The following MGA variants were observed in gnomAD, a reference collection of about 807,000 sequenced individuals.
MGA encodes MAX dimerization protein MGA, also known as MAX gene-associated protein.
In MGA, 40 loss-of-function variants were observed where a neutral mutation model predicts 261.1. The ratio of observed to expected loss-of-function variants is 0.15; its 90% confidence interval spans 0.12 to 0.20. The LOEUF is 0.20. Ranked by LOEUF, MGA falls within the 10% of genes least tolerant of loss-of-function variation. The pLI is 1.00. For synonymous variants in MGA, 1,302 were observed against 1,290.6 expected, an observed-to-expected ratio of 1.01 and a Z score of -0.19; for missense variants, 3,397 against 3,630.5, an observed-to-expected ratio of 0.94 and a Z score of 1.65.
At chr15:41,714,274 A>G (rs1247271580) in intron 9 of MGA, among the ~76,000 whole-genome samples, 1 of 152,104 alleles carries the variant, frequency 6.6e-6, no homozygotes, top group Non-Finnish European at 1.5e-5. Flanking sequence ...CCACATCAAC[A>G]ATTGTAGATC....
intron 2 of MGA, among the ~76,000 whole-genome samples, chr15:41,691,871 G>T (rs543886348): frequency 6.6e-6 from 1 of 151,422 alleles, no homozygotes; most frequent in South Asian, 2.1e-4. Flanking sequence ...TTCATTTTCA[G>T]CAGCCTGACC....
intron 2 of MGA, chr15:41,691,778 G>C (rs1033276722): frequency 8.7e-6 from 2 of 229,066 alleles, no homozygotes; most frequent in Non-Finnish European, 2.0e-5. Context: ...TGAGTCACTA[G>C]TCAGTCTGTT....
chr15:41,666,418 A>G, intron 1 of MGA, among the ~76,000 whole-genome samples: 1 of 152,020 alleles, frequency 6.6e-6, no homozygotes. Context: ...AATACTGTCT[A>G]TTTCTTTGAT....
intron 2 of MGA, among the ~76,000 whole-genome samples, chr15:41,689,934 A>C (rs900694754): frequency 2.6e-5 from 4 of 152,208 alleles, no homozygotes; most frequent in Non-Finnish European, 5.9e-5. Context: ...CATACAATAA[A>C]ATCTACATAA....
rs373963185 is a variant in MGA, at chr15:41,734,505, G to A, written c.3844-17G>A. 12 of 1,591,720 alleles carry A rather than the reference G, an allele frequency of 7.5e-6. No individual in the cohort carries two copies. Among genetic ancestry groups the A allele is most frequent in the East Asian group, 2.2e-5 (1 of 44,588 alleles). ...ATATGTTAAGTTAAAGTATTTCTGT[G>A]TTACTGTCTCCTTCAGGAACCTGAT... On this transcript the variant is annotated splice_polypyrimidine_tract_variant and intron_variant, in intron 11 of 23. Transcript: ENST00000219905.
At chr15:41,695,187 CTTT>C (rs533478922) in intron 2 of MGA, among the ~76,000 whole-genome samples, 1 of 142,990 alleles carries the variant, frequency 7.0e-6, no homozygotes, top group Non-Finnish European at 1.5e-5. Context: ...TATGTGGAAT[CTTT>C]TTTTTTTTTT....
chr15:41,696,872 A>T lies in MGA; in HGVS notation c.1862A>T (p.Lys621Ile). ...AAAAGAGGAAGGCCACGAAAATTGA[A>T]ACTCTGTAAGGCAGGACGACCACCT... is the stretch of plus-strand genomic sequence containing the variant. The change falls in exon 3 of 24, where the codon AAA becomes ATA. Residue 621 changes from lysine to isoleucine, a missense_variant. Lys to Ile is a moderately radical substitution (Grantham distance 102, BLOSUM62 -3). Coordinates refer to ENST00000219905, the MANE Select transcript of MGA (RefSeq NM_001164273.2). The T allele has an allele frequency of 1.3e-6, 2 of 1,598,050 alleles. No individual in the cohort carries two copies. Among genetic ancestry groups the T allele is most frequent in the Non-Finnish European group, 1.7e-6 (2 of 1,172,004 alleles).
chr15:41,721,581 A>G (rs2060939909), intron 9 of MGA, among the ~76,000 whole-genome samples: 1 of 152,246 alleles, frequency 6.6e-6, no homozygotes, highest in Non-Finnish European at 1.5e-5. Flanking sequence ...CAAGAGTTTT[A>G]GAAGCATTTC....
intron 1 of MGA, among the ~76,000 whole-genome samples, chr15:41,645,244 C>T (rs2056913402): frequency 6.6e-6 from 1 of 152,190 alleles, no homozygotes. Context: ...CATATCAATT[C>T]ACAAGCATGT....
intron 2 of MGA, among the ~76,000 whole-genome samples, chr15:41,688,168 C>T (rs891935694): frequency 2.0e-4 from 30 of 152,062 alleles, no homozygotes; most frequent in African/African-American, 5.1e-4. Context: ...ATCTGCCTCC[C>T]GGGTTCAAGC....
chr15:41,718,304 T>TATATATATATATATATAC (rs1555424396), intron 9 of MGA: 6 of 149,230 alleles, frequency 4.0e-5, no homozygotes, highest in African/African-American at 2.4e-4. Flanking sequence ...TGTGTGTGTA[T>TATATATATATATATATAC]ATATATATAT....
chr15:41,632,769 C>T (rs189532862), intron 1 of MGA, among the ~76,000 whole-genome samples: 63 of 109,334 alleles, frequency 5.8e-4, no homozygotes, highest in Admixed American at 9.9e-4. Context: ...GGTCTCCTTC[C>T]TGTAGGAGAT....
In MGA at chr15:41,768,606, A is replaced by G. The variant is rs1488103940; in HGVS notation, c.*1326A>G. On this transcript the variant is annotated 3_prime_UTR_variant, in exon 24 of 24. Coordinates refer to ENST00000219905, the MANE Select transcript of MGA (RefSeq NM_001164273.2). The stretch of plus-strand genomic sequence containing the variant: ...TAGCTGCTGCATTTTGCCTTTCTTA[A>G]ATAATTATATTTTGGAATGTAACCC... 6.6e-6 allele frequency: 1 copy of G among 152,532 alleles called. No individual in the cohort carries two copies. The highest frequency in any genetic ancestry group is 1.5e-5 in the Non-Finnish European group (1 of 68,022). 9.4% of individuals were successfully genotyped at this position (152,532 alleles called of 1,614,324 possible).
Position 41,707,802 on chromosome 15 carries a change from G to T in MGA, c.2263G>T (p.Ala755Ser). ...ATACTTGGGAGTACAGTTACCTTTG[G>T]CTCCAGCTACTAGCTTTCCTTTTTG... Residue 755 changes from alanine to serine, a missense_variant, in exon 6 of 24, where the codon GCT becomes TCT. Coordinates refer to ENST00000219905, the MANE Select transcript of MGA (RefSeq NM_001164273.2). 1.9e-6 allele frequency: 3 copies of T among 1,613,792 alleles called. No individual in the cohort carries two copies. Among genetic ancestry groups the T allele is most frequent in the Non-Finnish European group, 2.5e-6 (3 of 1,179,792 alleles).
Position 41,734,531 on chromosome 15 carries a change from T to A in MGA, c.3853T>A (p.Ser1285Thr). 1 of 1,608,434 alleles carries A rather than the reference T, an allele frequency of 6.2e-7. No individual in the cohort carries two copies. The highest frequency in any genetic ancestry group is 8.5e-7 in the Non-Finnish European group (1 of 1,176,848). ...TTACTGTCTCCTTCAGGAACCTGAT[T>A]CTGAACAGCAGCCCTTAAAACAACT... The change falls in exon 12 of 24, where the codon TCT (serine) becomes ACT (threonine). Residue 1285 changes from serine to threonine, a missense_variant. By Grantham distance (58) the Ser-to-Thr change is moderately conservative. This residue lies in a region of MGA where 1,410 missense variants were observed against 1,386.4 expected (regional missense o/e 1.02). Transcript: ENST00000219905.
intron 2 of MGA, among the ~76,000 whole-genome samples, chr15:41,670,296 A>G (rs544641000): frequency 6.6e-6 from 1 of 152,344 alleles, no homozygotes; most frequent in Admixed American, 6.5e-5. Flanking sequence ...TCAATAAAAA[A>G]AAGAAAATCA....
intron 2 of MGA, among the ~76,000 whole-genome samples, chr15:41,682,225 C>T (rs1052859657): frequency 5.9e-5 from 9 of 151,924 alleles, no homozygotes; most frequent in Admixed American, 3.9e-4. Flanking sequence ...CTTCTACCTA[C>T]ATTATTTAAT....
At chr15:41,759,081 C>T (rs2063306434) in intron 19 of MGA, among the ~76,000 whole-genome samples, 1 of 151,922 alleles carries the variant, frequency 6.6e-6, no homozygotes, top group Admixed American at 6.6e-5. Flanking sequence ...GTGCTGATAC[C>T]CTCATTTTAC....
chr15:41,628,367 CAA>C (rs936932982), intron 1 of MGA, among the ~76,000 whole-genome samples: 6 of 47,112 alleles, frequency 1.3e-4, no homozygotes, highest in African/African-American at 2.2e-4. Context: ...ACTCTGTATC[CAA>C]AAAAAAAAAA....
Sources: gnomAD v4.1 joint callset for allele counts (sites outside exome capture counted in the v4.1 genomes callset) on GRCh38, gnomAD v4.1.1 for gene constraint, gnomAD v4.1.1 regional missense constraint, MANE v1.5 for transcripts, NCBI Gene and HGNC (gene_info 2026-07-23, HGNC 2026-07-21) for gene names.